EXD2: variants seen among roughly 807,000 people sequenced by gnomAD.
EXD2 encodes the protein exonuclease 3'-5' domain-containing protein 2.
In EXD2, 40 loss-of-function variants were observed where a neutral mutation model predicts 62.5. The ratio of observed to expected loss-of-function variants is 0.64; its 90% CI spans 0.50 to 0.83. The LOEUF (loss-of-function observed/expected upper bound fraction) is 0.83. EXD2 is among the 40% of genes least tolerant of loss of function. EXD2 has a pLI of 0.00. For missense variants in EXD2, 671 were observed against 761.8 expected (o/e 0.88, Z 1.40); for synonymous variants, 239 against 291.9 (o/e 0.82, Z 1.85).
intron 4 of EXD2, 132 bp from the exon 5 acceptor site, chr14:69,230,340 T>G (rs2043524833): frequency 1.7e-6 from 1 of 578,510 alleles, no homozygotes; most frequent in African/African-American, 1.9e-5. Flanking sequence ...GATAACAAAT[T>G]ATCATTTTCT....
intron 5 of EXD2, among the ~76,000 whole-genome samples, chr14:69,231,949 CT>C (rs1221632936): frequency 7.5e-6 from 1 of 132,734 alleles, no homozygotes; most frequent in Non-Finnish European, 1.6e-5. Context: ...CAGTAACTGT[CT>C]TTTCTCTCAG....
intron 5 of EXD2, among the ~76,000 whole-genome samples, chr14:69,233,160 C>G (rs1040130340): frequency 1.3e-5 from 2 of 152,144 alleles, no homozygotes; most frequent in African/African-American, 2.4e-5. Context: ...TTAGAGGGAA[C>G]TCTAAAGTCT....
rs554474914 is a variant in EXD2, at chr14:69,234,733, G to A, written c.751G>A (p.Val251Met). 1 of 1,613,572 alleles carries A rather than the reference G, an allele frequency of 6.2e-7. No homozygotes were observed. The highest frequency in any genetic ancestry group is 1.3e-5 in the African/African-American group (1 of 74,926). Residue 251 changes from valine to methionine, a missense_variant, in exon 6 of 10, where the codon GTG becomes ATG. Coordinates refer to ENST00000685843, the MANE Select transcript of EXD2 (RefSeq NM_001193360.2). ...TGCTGCCAGGGATGCCCAGATTTCA[G>A]TGGCTCTCTTTCTTCATCTTCTTGG... ...IYAARDAQIS[V>M]ALFLHLLGYP...
intron 2 of EXD2, among the ~76,000 whole-genome samples, chr14:69,206,534 G>A (rs2042610862): frequency 7.0e-6 from 1 of 142,744 alleles, no homozygotes; most frequent in East Asian, 2.2e-4. Context: ...AGTGGGTGCA[G>A]TGGCACACCA....
chr14:69,197,435 A>G (rs1293563213), intron 1 of EXD2, among the ~76,000 whole-genome samples: 1 of 150,026 alleles, frequency 6.7e-6, no homozygotes, highest in African/African-American at 2.5e-5. Context: ...TTTTTTTATA[A>G]TTTCAACTTT....
chr14:69,201,024 A>C (rs1450921227), intron 1 of EXD2, among the ~76,000 whole-genome samples: 1 of 151,580 alleles, frequency 6.6e-6, no homozygotes, highest in Non-Finnish European at 1.5e-5. Context: ...CAGTGAGCTG[A>C]GATCGTGCCA....
intron 1 of EXD2, among the ~76,000 whole-genome samples, chr14:69,201,745 C>A (rs1391792045): frequency 7.9e-6 from 1 of 125,824 alleles, no homozygotes; most frequent in East Asian, 2.6e-4. Context: ...CACAGTGGTG[C>A]AATCTCGGCT....
chr14:69,212,438 C>T (rs1222169552), intron 3 of EXD2, among the ~76,000 whole-genome samples: 1 of 151,964 alleles, frequency 6.6e-6, no homozygotes, highest in Admixed American at 6.6e-5. Context: ...TCTATTTATT[C>T]CTCCATTCCT....
In EXD2 at chr14:69,212,356, G is replaced by A. The variant is rs370602138; in HGVS notation, c.333+2553G>A. Among the ~76,000 whole-genome samples the A allele has an allele frequency of 3.7e-4, 56 of 152,174 alleles. No homozygotes were observed. In the East Asian group the frequency reaches 6.0e-3, roughly 16 times the overall value. On this transcript the variant is annotated intron_variant, in intron 3 of 9. Transcript: ENST00000685843. The stretch of plus-strand genomic sequence containing the variant: ...CACGCCACTGCATTCCAACCTGAGC[G>A]ACAGAGCAAGTGAGACCCTGTCTCA...
intron 5 of EXD2, 151 bp from the exon 6 acceptor site, chr14:69,234,549 A>T (rs551873235): frequency 3.2e-6 from 2 of 621,892 alleles, no homozygotes; most frequent in Admixed American, 3.4e-5. Flanking sequence ...AATTTTTATA[A>T]TAAGAAGTTT....
Position 69,220,020 on chromosome 14 carries a change from GT to G in EXD2, c.334-8786del, listed in dbSNP as rs565919333. ...CATTTCTATTCTTGGTTTGCTAAGA[GT>G]TTTTTTTTTAAATCATGAATGGTTG... is the stretch of plus-strand genomic sequence containing the variant. On this transcript the variant is annotated intron_variant, in intron 3 of 9. Transcript: ENST00000685843. Among the ~76,000 whole-genome samples the G allele has an allele frequency of 4.7e-5, 7 of 148,968 alleles. 1 individual carries two copies. In the East Asian group the frequency reaches 5.9e-4, roughly 12 times the overall value.
intron 9 of EXD2, among the ~76,000 whole-genome samples, chr14:69,238,928 C>T (rs753915169): frequency 2.0e-5 from 3 of 152,098 alleles, no homozygotes; most frequent in Non-Finnish European, 4.4e-5. Flanking sequence ...GTGCCTGGCC[C>T]CAAATCATTT....
chr14:69,221,551 C>T (rs575627095), intron 3 of EXD2, among the ~76,000 whole-genome samples: 1 of 151,066 alleles, frequency 6.6e-6, no homozygotes, highest in African/African-American at 2.4e-5. Flanking sequence ...GATCACACTT[C>T]AGGCAAGGAG....
At chr14:69,211,649 G>A (rs1199058234) in intron 3 of EXD2, among the ~76,000 whole-genome samples, 1 of 151,954 alleles carries the variant, frequency 6.6e-6, no homozygotes, top group Non-Finnish European at 1.5e-5. Flanking sequence ...AAGGATCAGT[G>A]ATTTTAATCT....
chr14:69,215,020 AC>A (rs1337144973), intron 3 of EXD2, among the ~76,000 whole-genome samples: 1 of 152,014 alleles, frequency 6.6e-6, no homozygotes, highest in Non-Finnish European at 1.5e-5. Context: ...GGTGGCTAAC[AC>A]CTGTAATCTC....
intron 3 of EXD2, among the ~76,000 whole-genome samples, chr14:69,213,438 A>G (rs1594749346): frequency 7.6e-6 from 1 of 131,054 alleles, no homozygotes; most frequent in Non-Finnish European, 1.6e-5. Context: ...TTGTGTGAGC[A>G]TGGCTCACTG....
At chr14:69,201,982 A>G (rs1480401703) in intron 1 of EXD2, among the ~76,000 whole-genome samples, 1 of 151,894 alleles carries the variant, frequency 6.6e-6, no homozygotes, top group Non-Finnish European at 1.5e-5. Flanking sequence ...GCACTCAGCC[A>G]TGTTTTCTCT....
rs1050351938 is a variant in EXD2, at chr14:69,243,843, TCTGCATGCTCC to T, written c.*2747_*2757del. 2 of 152,228 alleles carry T rather than the reference TCTGCATGCTCC, an allele frequency of 1.3e-5. No homozygotes were observed. Among genetic ancestry groups the T allele is most frequent in the African/African-American group, 4.8e-5 (2 of 41,456 alleles). 9.4% of individuals were successfully genotyped at this position (152,228 alleles called of 1,614,324 possible). A position where few individuals can be genotyped will look rare whatever the true frequency, so the allele number is the denominator to read the frequency against. On this transcript the variant is annotated 3_prime_UTR_variant, in exon 10 of 10. Coordinates refer to ENST00000685843, the MANE Select transcript of EXD2 (RefSeq NM_001193360.2). Reference sequence around the variant, plus strand: ...AGGACAGTGTCACAGCAAGGGCCTCTCTGCATGCTCCCTGATCATTGTGTTTGCAGGTTCAG... The same window carrying T: ...AGGACAGTGTCACAGCAAGGGCCTCTCTGATCATTGTGTTTGCAGGTTCAG...
chr14:69,211,526 G>A (rs2042804394), intron 3 of EXD2, among the ~76,000 whole-genome samples: 1 of 150,246 alleles, frequency 6.7e-6, no homozygotes, highest in African/African-American at 2.5e-5. Flanking sequence ...ACACCTGACA[G>A]TGTGGGGAAA....
Sources: gnomAD v4.1 joint callset for allele counts (sites outside exome capture counted in the v4.1 genomes callset) on GRCh38, gnomAD v4.1.1 for gene constraint, MANE v1.5 for transcripts, NCBI Gene and HGNC (gene_info 2026-07-23, HGNC 2026-07-21) for gene names.